Variants in GALNTL6 observed in about 807,000 individuals in gnomAD.
GALNTL6 encodes polypeptide N-acetylgalactosaminyltransferase-like 6.
Under a neutral mutation model 73.7 loss-of-function variants are expected in GALNTL6, and 46 were observed. The observed-to-expected ratio is 0.62, with a 90% CI of 0.49 to 0.80. The LOEUF is 0.80. Ranked by LOEUF, GALNTL6 falls within the 30% of genes least tolerant of loss-of-function variation. The pLI, the probability that GALNTL6 is intolerant of heterozygous loss-of-function variation, is 0.00. For missense variants in GALNTL6, 604 were observed against 755.0 expected (o/e 0.80, Z 2.34); for synonymous variants, 259 against 263.7 (o/e 0.98, Z 0.17).
intron 5 of GALNTL6, among the ~76,000 whole-genome samples, chr4:172,585,605 G>A (rs764332795): frequency 6.6e-6 from 1 of 152,000 alleles, no homozygotes; most frequent in Non-Finnish European, 1.5e-5. Flanking sequence ...TTTATGGCTG[G>A]GTAGTATTCC....
chr4:171,912,855 C>T (rs1306177285), intron 2 of GALNTL6, among the ~76,000 whole-genome samples: 3 of 152,104 alleles, frequency 2.0e-5, no homozygotes, highest in Admixed American at 2.0e-4. Flanking sequence ...CAGTTTCATT[C>T]GTGTTGCTGC....
At chr4:171,979,761 G>T (rs949868481) in intron 2 of GALNTL6, among the ~76,000 whole-genome samples, 4 of 152,120 alleles carry the variant, frequency 2.6e-5, no homozygotes, top group African/African-American at 9.7e-5. Context: ...AAAGTCTCTG[G>T]CCAGGTTCCG....
chr4:171,979,267 G>C (rs1180884367), intron 2 of GALNTL6, among the ~76,000 whole-genome samples: 1 of 152,058 alleles, frequency 6.6e-6, no homozygotes, highest in South Asian at 2.1e-4. Flanking sequence ...TTTACCTTCG[G>C]TGTTTTCCCA....
At chr4:172,909,163 GA>G (rs976039889) in intron 8 of GALNTL6, among the ~76,000 whole-genome samples, 3 of 149,816 alleles carry the variant, frequency 2.0e-5, no homozygotes, top group African/African-American at 7.3e-5. Context: ...CCATTTTGAA[GA>G]AAAAAAAATT....
chr4:172,493,877 C>G (rs338004), intron 5 of GALNTL6, among the ~76,000 whole-genome samples: 16,320 of 152,166 alleles, frequency 0.11, 971 homozygotes, highest in East Asian at 0.23. Flanking sequence ...TCCTCATACC[C>G]TCCCCTTCCA....
chr4:172,192,796 G>A (rs943669008), intron 2 of GALNTL6, among the ~76,000 whole-genome samples: 2 of 152,186 alleles, frequency 1.3e-5, no homozygotes, highest in South Asian at 2.1e-4. Context: ...CACTGCTTAA[G>A]ATGAACAAGT....
At chr4:171,922,006 G>T (rs1479573429) in intron 2 of GALNTL6, among the ~76,000 whole-genome samples, 2 of 151,836 alleles carry the variant, frequency 1.3e-5, no homozygotes, top group Non-Finnish European at 2.9e-5. Flanking sequence ...TTCTAATTTT[G>T]TAATTCTATA....
At chr4:172,104,433 G>A (rs984389415) in intron 2 of GALNTL6, among the ~76,000 whole-genome samples, 13 of 152,128 alleles carry the variant, frequency 8.5e-5, no homozygotes, top group South Asian at 2.1e-4. Context: ...ATAAATCAGC[G>A]TCTGGAAATT....
chr4:172,803,514 A>G (rs1482684481), intron 5 of GALNTL6, among the ~76,000 whole-genome samples: 2 of 152,176 alleles, frequency 1.3e-5, no homozygotes, highest in African/African-American at 4.8e-5. Flanking sequence ...TTTGGGGACC[A>G]CTTATCTAAA....
At chr4:172,984,416 C>A (rs938933456) in intron 10 of GALNTL6, among the ~76,000 whole-genome samples, 4 of 152,262 alleles carry the variant, frequency 2.6e-5, no homozygotes, top group South Asian at 2.1e-4. Flanking sequence ...GGGAAACCGC[C>A]CCCATGATTC....
intron 2 of GALNTL6, among the ~76,000 whole-genome samples, chr4:172,143,470 T>C (rs533714289): frequency 6.6e-6 from 1 of 152,176 alleles, no homozygotes; most frequent in South Asian, 2.1e-4. Context: ...GCCATCTGTG[T>C]GTTTGGTAGG....
chr4:172,533,474 G>A (rs762564735), intron 5 of GALNTL6, among the ~76,000 whole-genome samples: 4 of 150,504 alleles, frequency 2.7e-5, no homozygotes, highest in Admixed American at 1.3e-4. Flanking sequence ...ACAGGTGAAC[G>A]CCACCACGCC....
At chr4:172,301,246 G>A (rs7687795) in intron 3 of GALNTL6, among the ~76,000 whole-genome samples, 59,406 of 151,870 alleles carry the variant, frequency 0.39, 12,468 homozygotes, top group African/African-American at 0.54. Flanking sequence ...CTCTGCATTG[G>A]TTATTCTAGT....
chr4:172,063,566 A>G (rs1230946896), intron 2 of GALNTL6, among the ~76,000 whole-genome samples: 1 of 152,124 alleles, frequency 6.6e-6, no homozygotes, highest in East Asian at 1.9e-4. Context: ...GCAATGAAAG[A>G]AAACACTCTT....
At chr4:172,748,437 C>T (rs559201785) in intron 5 of GALNTL6, among the ~76,000 whole-genome samples, 1 of 152,192 alleles carries the variant, frequency 6.6e-6, no homozygotes, top group East Asian at 1.9e-4. Context: ...ACTCACTCCA[C>T]GCAGACAGAC....
In GALNTL6 at chr4:172,049,244, A is replaced by G. The variant is rs140660425; in HGVS notation, c.139-180412A>G. Among the ~76,000 whole-genome samples the G allele has an allele frequency of 9.9e-3, 1,500 of 152,228 alleles. 17 individuals are homozygous for G. The highest frequency in any genetic ancestry group is 0.049 in the South Asian group (235 of 4,826). The stretch of plus-strand genomic sequence containing the variant: ...TCATGAAATAAAAATTTTTTTTTAT[A>G]GAAAGCATTCACAAGAAGTAAACTT... On this transcript the variant is annotated intron_variant, in intron 2 of 12. Coordinates refer to ENST00000506823, the MANE Select transcript of GALNTL6 (RefSeq NM_001034845.3).
intron 5 of GALNTL6, among the ~76,000 whole-genome samples, chr4:172,480,404 A>C (rs2111480427): frequency 6.6e-6 from 1 of 152,308 alleles, no homozygotes; most frequent in East Asian, 1.9e-4. Context: ...TTTAGACTTA[A>C]AGCTATTGCT....
At chr4:173,012,726 A>T (rs1752610019) in intron 11 of GALNTL6, among the ~76,000 whole-genome samples, 1 of 152,110 alleles carries the variant, frequency 6.6e-6, no homozygotes, top group South Asian at 2.1e-4. Context: ...AACACTCACA[A>T]ATCCCTTTAT....
intron 5 of GALNTL6, among the ~76,000 whole-genome samples, chr4:172,536,572 T>G (rs1735352300): frequency 6.6e-6 from 1 of 152,200 alleles, no homozygotes; most frequent in Non-Finnish European, 1.5e-5. Flanking sequence ...CCTAGAGATC[T>G]GTGGAACTTT....
Sources: allele counts gnomAD v4.1 joint callset (sites outside exome capture counted in the v4.1 genomes callset), GRCh38; gene constraint gnomAD v4.1.1; transcripts MANE v1.5; gene names NCBI Gene and HGNC (gene_info 2026-07-23, HGNC 2026-07-21).